ABCA1: variants seen among roughly 807,000 people sequenced by gnomAD.
ABCA1 encodes the protein phospholipid-transporting ATPase ABCA1.
In ABCA1, 133 loss-of-function variants were observed where a neutral mutation model predicts 262.5. The ratio of observed to expected loss-of-function variants is 0.51; its 90% CI spans 0.44 to 0.59. ABCA1 has a LOEUF of 0.59. Among genes scored for constraint, ABCA1 ranks in the 20% least tolerant of loss-of-function variants. The pLI is 0.00. For missense variants in ABCA1, 2,452 were observed against 2,777.5 expected (o/e 0.88, Z 2.63); for synonymous variants, 1,022 against 1,043.5 (o/e 0.98, Z 0.40).
At chr9:104,833,019 A>C (rs536322302) in intron 11 of ABCA1, among the ~76,000 whole-genome samples, 1 of 152,332 alleles carries the variant, frequency 6.6e-6, no homozygotes, top group Admixed American at 6.5e-5. Flanking sequence ...GACCAGTCTG[A>C]ATTCAGAGTC....
At chr9:104,836,837 C>T (rs1204407158) in intron 11 of ABCA1, 143 bp downstream of exon 11, 2 of 696,988 alleles carry the variant, frequency 2.9e-6, no homozygotes, top group African/African-American at 1.7e-5. Context: ...AGGTGGTGCC[C>T]TGTGACTTTA....
intron 25 of ABCA1, among the ~76,000 whole-genome samples, chr9:104,815,837 A>T (rs1831703517): frequency 6.6e-6 from 1 of 152,186 alleles, no homozygotes; most frequent in Non-Finnish European, 1.5e-5. Flanking sequence ...GTACTTAAGT[A>T]AAGAGGCTCA....
intron 1 of ABCA1, among the ~76,000 whole-genome samples, chr9:104,927,239 A>G (rs1826422536): frequency 6.6e-6 from 1 of 151,886 alleles, no homozygotes; most frequent in South Asian, 2.1e-4. Flanking sequence ...AAAGGAAACA[A>G]AACTCGTCCG....
chr9:104,866,155 T>C (rs77182112), intron 5 of ABCA1, among the ~76,000 whole-genome samples: 2,148 of 152,206 alleles, frequency 0.014, 44 homozygotes, highest in African/African-American at 0.048. Context: ...GCTATGCACA[T>C]AGTAGATTCT....
At chr9:104,804,051 C>T (rs1213320384) in intron 32 of ABCA1, among the ~76,000 whole-genome samples, 1 of 152,156 alleles carries the variant, frequency 6.6e-6, no homozygotes, top group Non-Finnish European at 1.5e-5. Context: ...ACTGAAAGAC[C>T]CCAACTGACC....
In ABCA1 at chr9:104,903,649, G is replaced by C; in HGVS notation, c.31C>G (p.Leu11Val). The change falls in exon 2 of 50, where the codon CTG (leucine) becomes GTG (valine). Residue 11 changes from leucine (L) to valine (V), a missense_variant. Coordinates refer to ENST00000374736, the MANE Select transcript of ABCA1 (RefSeq NM_005502.4). ...CTTCTGAAAGTGAGGTTCTTCCACA[G>C]CAGCAACCTCAGCTGAGGCCAACAA... MACWPQLRLL[L>V]WKNLTFRRRQ... The C allele has an allele frequency of 6.3e-7, 1 of 1,590,128 alleles. No homozygotes were observed. The highest frequency in any genetic ancestry group is 8.6e-7 in the Non-Finnish European group (1 of 1,167,834).
At chr9:104,785,078 A>T (rs1467420826) in intron 49 of ABCA1, among the ~76,000 whole-genome samples, 3 of 152,214 alleles carry the variant, frequency 2.0e-5, no homozygotes, top group Non-Finnish European at 4.4e-5. Context: ...AAGTGTCAGG[A>T]CCTATTTGGT....
intron 5 of ABCA1, among the ~76,000 whole-genome samples, chr9:104,872,579 G>A (rs1837720369): frequency 1.3e-5 from 2 of 152,212 alleles, no homozygotes; most frequent in Admixed American, 1.3e-4. Context: ...GCCCCTGCTA[G>A]TGCTGTTTGA....
chr9:104,820,966 C>T (rs1588298947), intron 20 of ABCA1, among the ~76,000 whole-genome samples: 1 of 152,162 alleles, frequency 6.6e-6, no homozygotes, highest in Non-Finnish European at 1.5e-5. Flanking sequence ...AAAATGTGGC[C>T]AGACACAGTG....
At position 104,794,515 on chromosome 9, in the gene ABCA1, A is replaced by AAAC; in HGVS notation, c.5383-6_5383-5insGTT. ...ATCATTGATATTATTCAGCTTCTAA[A>AAAC]AAAAAAAAAAAAAAATGGGAGGGAA... On this transcript the variant is annotated splice_polypyrimidine_tract_variant and splice_region_variant and intron_variant, in intron 39 of 49. Transcript: ENST00000374736. 2 of 1,560,340 alleles carry AAAC rather than the reference A, an allele frequency of 1.3e-6. No individual in the cohort carries two copies. Among genetic ancestry groups the AAAC allele is most frequent in the Non-Finnish European group, 1.7e-6 (2 of 1,149,578 alleles).
chr9:104,816,024 G>T, intron 25 of ABCA1, 119 bp downstream of exon 25: 1 of 1,115,614 alleles, frequency 9.0e-7, no homozygotes, highest in Non-Finnish European at 1.4e-6. Context: ...ATCAGATGTC[G>T]ATGACCTAAA....
At chr9:104,814,322 A>G in intron 26 of ABCA1, 91 bp from the exon 27 acceptor site, 3 of 1,551,368 alleles carry the variant, frequency 1.9e-6, no homozygotes, top group South Asian at 1.1e-5. Context: ...TCTACAAATG[A>G]GAATGCAATA....
rs73506138 is a variant in ABCA1, at chr9:104,917,858, G to A, written c.-93+10077C>T. Among the ~76,000 whole-genome samples the A allele has an allele frequency of 1.0e-3, 154 of 152,176 alleles. 2 individuals carry two copies. Among genetic ancestry groups the A allele is most frequent in the African/African-American group, 3.5e-3 (145 of 41,534 alleles). On this transcript the variant is annotated intron_variant, in intron 1 of 49. Transcript: ENST00000374736. Reference sequence around the variant, plus strand: ...TAAGAGAAGTCTCATTGTCAGCTGGGGCCTTTGGGAACCAATAGTTTATCT... The same window carrying A: ...TAAGAGAAGTCTCATTGTCAGCTGGAGCCTTTGGGAACCAATAGTTTATCT...
chr9:104,914,332 G>T (rs1240344973), intron 1 of ABCA1, among the ~76,000 whole-genome samples: 3 of 151,590 alleles, frequency 2.0e-5, no homozygotes, highest in African/African-American at 7.3e-5. Context: ...CAAAAAAGTA[G>T]CTGGGCATGG....
At chr9:104,791,639 A>C (rs1465827133) in intron 43 of ABCA1, among the ~76,000 whole-genome samples, 1 of 152,094 alleles carries the variant, frequency 6.6e-6, no homozygotes, top group Non-Finnish European at 1.5e-5. Flanking sequence ...GTTGGCCAGG[A>C]TGGTCTCAAT....
At chr9:104,795,856 G>T (rs1300526487) in intron 39 of ABCA1, among the ~76,000 whole-genome samples, 197 bp downstream of exon 39, 1 of 152,182 alleles carries the variant, frequency 6.6e-6, no homozygotes, top group Non-Finnish European at 1.5e-5. Context: ...AAACTGAAAG[G>T]CTTGACCAGC....
intron 1 of ABCA1, among the ~76,000 whole-genome samples, chr9:104,904,352 G>A (rs1019939911): frequency 6.6e-6 from 1 of 151,856 alleles, no homozygotes; most frequent in Admixed American, 6.6e-5. Context: ...GGCGGATCAC[G>A]AGGTCAAGAA....
chr9:104,897,869 C>G (rs1224983049), intron 2 of ABCA1, among the ~76,000 whole-genome samples: 3 of 152,180 alleles, frequency 2.0e-5, no homozygotes, highest in African/African-American at 7.2e-5. Context: ...TCCCAAAGTG[C>G]TGGAATTATA....
rs571265999 is a variant in ABCA1, at chr9:104,784,654, T to C, written c.6646-199A>G. On this transcript the variant is annotated intron_variant, in intron 49 of 49. Coordinates refer to ENST00000374736, the MANE Select transcript of ABCA1 (RefSeq NM_005502.4). ...TAACAACTTAAAAATAGACTTTTTTTCCCCCCTTGAAATGGGGTCTTGCTC... is the reference window on the plus strand; with the variant it reads ...TAACAACTTAAAAATAGACTTTTTTCCCCCCCTTGAAATGGGGTCTTGCTC... Among the ~76,000 whole-genome samples, 10 of 152,214 alleles carry C rather than the reference T, an allele frequency of 6.6e-5. No homozygotes were observed. In the East Asian group the frequency reaches 7.7e-4, roughly 12 times the overall value.
Sources: allele counts gnomAD v4.1 joint callset (sites outside exome capture counted in the v4.1 genomes callset), GRCh38; gene constraint gnomAD v4.1.1; transcripts MANE v1.5; gene names NCBI Gene and HGNC (gene_info 2026-07-23, HGNC 2026-07-21).